SGCG: variants seen among roughly 807,000 people sequenced by gnomAD.
SGCG encodes the protein sarcoglycan gamma.
Under a neutral mutation model 29.3 loss-of-function variants are expected in SGCG, and 26 were observed. That is an observed-to-expected ratio of 0.89 (90% CI 0.65 to 1.23). The LOEUF (loss-of-function observed/expected upper bound fraction) is 1.23. Among genes scored for constraint, SGCG ranks in the 50% most tolerant of loss-of-function variants. The probability of loss-of-function intolerance (pLI) is 0.00; values close to 1 mark genes in which losing one functional copy is unlikely to be tolerated. For synonymous variants in SGCG, 145 were observed against 129.7 expected (o/e 1.12, Z -0.80); for missense variants, 353 against 356.0 (o/e 0.99, Z 0.07).
At chr13:23,312,960 G>A (rs982611329) in intron 6 of SGCG, among the ~76,000 whole-genome samples, 1 of 152,028 alleles carries the variant, frequency 6.6e-6, no homozygotes. Flanking sequence ...GGAAATTTTT[G>A]TATGGTATGT....
At position 23,225,804 on chromosome 13, in the gene SGCG, CA is replaced by C. The variant is rs1350225240; in HGVS notation, c.196-8806del. Among the ~76,000 whole-genome samples the C allele has an allele frequency of 6.6e-5, 10 of 152,062 alleles. 1 individual carries two copies. The South Asian group carries it at 1.0e-3, about 16-fold the overall frequency. On this transcript the variant is annotated intron_variant, in intron 2 of 7. Transcript: ENST00000218867. Reference sequence around the variant, plus strand: ...ATACACACACACACACACACACACACACACCCCTACATACATCAACATTTAT... The same window carrying C: ...ATACACACACACACACACACACACACCACCCCTACATACATCAACATTTAT...
At chr13:23,235,191 C>T (rs987335665) in intron 3 of SGCG, among the ~76,000 whole-genome samples, 1 of 151,978 alleles carries the variant, frequency 6.6e-6, no homozygotes, top group Non-Finnish European at 1.5e-5. Context: ...TAAACCCCGT[C>T]TCTACTAAAA....
chr13:23,240,369 T>C (rs1265918088), intron 3 of SGCG, among the ~76,000 whole-genome samples: 2 of 152,306 alleles, frequency 1.3e-5, no homozygotes, highest in African/African-American at 4.8e-5. Context: ...TATTCACATT[T>C]AGACTCAGGG....
intron 5 of SGCG, among the ~76,000 whole-genome samples, chr13:23,291,877 T>C (rs192518400): frequency 2.0e-5 from 3 of 152,088 alleles, no homozygotes; most frequent in East Asian, 1.9e-4. Flanking sequence ...ATCGAGGGGC[T>C]GGGGAAAAAG....
Position 23,300,950 on chromosome 13 carries a change from C to T in SGCG, c.578+5463C>T, listed in dbSNP as rs1246718666. On this transcript the variant is annotated intron_variant, in intron 6 of 7. Coordinates refer to ENST00000218867, the MANE Select transcript of SGCG (RefSeq NM_000231.3). ...CTAACACGGTGAAACCCCATCTCTACGAAAAATACAAAAGAATTAGCCGGG... is the reference window on the plus strand; with the variant it reads ...CTAACACGGTGAAACCCCATCTCTATGAAAAATACAAAAGAATTAGCCGGG... Among the ~76,000 whole-genome samples, 26 of 151,950 alleles carry T rather than the reference C, an allele frequency of 1.7e-4. 1 individual carries two copies. The highest frequency in any genetic ancestry group is 2.6e-4 in the Admixed American group (4 of 15,252).
chr13:23,291,271 T>C (rs1428174357), intron 5 of SGCG, among the ~76,000 whole-genome samples: 1 of 152,224 alleles, frequency 6.6e-6, no homozygotes, highest in Non-Finnish European at 1.5e-5. Context: ...TATATAATGA[T>C]AGTTTATAGT....
At chr13:23,263,802 C>T (rs1880538148) in intron 4 of SGCG, among the ~76,000 whole-genome samples, 1 of 151,902 alleles carries the variant, frequency 6.6e-6, no homozygotes. Flanking sequence ...GATTCGTCAC[C>T]TAAACAGAAT....
intron 5 of SGCG, among the ~76,000 whole-genome samples, chr13:23,294,876 C>T (rs1331428894): frequency 6.6e-6 from 1 of 152,122 alleles, no homozygotes. Context: ...TTTCTGCACC[C>T]CAGCTGACAC....
At chr13:23,239,837 C>T (rs530868724) in intron 3 of SGCG, among the ~76,000 whole-genome samples, 2 of 151,832 alleles carry the variant, frequency 1.3e-5, no homozygotes, top group East Asian at 3.9e-4. Flanking sequence ...GCTAATACAT[C>T]AACTAAGGAG....
Position 23,314,176 on chromosome 13 carries a change from G to GTATA in SGCG, c.579-6450_579-6447dup, listed in dbSNP as rs1344869674. On this transcript the variant is annotated intron_variant, in intron 6 of 7. Coordinates refer to ENST00000218867, the MANE Select transcript of SGCG (RefSeq NM_000231.3). The stretch of plus-strand genomic sequence containing the variant: ...AGCTATATATATAGAGTTTTGAACA[G>GTATA]TATATATATATATAGAGAGAGAGAG... 8.1e-5 allele frequency among the ~76,000 whole-genome samples: 11 copies of GTATA among 135,778 alleles called. No individual in the cohort carries two copies. In the East Asian group the frequency reaches 1.0e-3, roughly 13 times the overall value. 89.1% of individuals were successfully genotyped at this position (135,778 alleles called of 152,430 possible).
chr13:23,321,161 G>A (rs997850889), intron 7 of SGCG, among the ~76,000 whole-genome samples: 2 of 152,052 alleles, frequency 1.3e-5, no homozygotes, highest in Non-Finnish European at 2.9e-5. Context: ...AGAGTGCTGC[G>A]TTTAAGCTGC....
At chr13:23,223,585 T>C (rs1392226395) in intron 2 of SGCG, among the ~76,000 whole-genome samples, 3 of 152,276 alleles carry the variant, frequency 2.0e-5, no homozygotes, top group East Asian at 3.9e-4. Flanking sequence ...TTTCAGATAA[T>C]AGGAAAAACA....
At chr13:23,195,623 A>T (rs910563253) in intron 1 of SGCG, among the ~76,000 whole-genome samples, 1 of 152,030 alleles carries the variant, frequency 6.6e-6, no homozygotes, top group Non-Finnish European at 1.5e-5. Flanking sequence ...ATTTTATTTT[A>T]AAAGTCAGTC....
At position 23,276,962 on chromosome 13, in the gene SGCG, T is replaced by C. The variant is rs576751632; in HGVS notation, c.386-2397T>C. Reference sequence around the variant, plus strand: ...TCACTCATTTGCACATTGTCAATGCTTAGCACAGAACCTTGTACATAAAAA... The same window carrying C: ...TCACTCATTTGCACATTGTCAATGCCTAGCACAGAACCTTGTACATAAAAA... On this transcript the variant is annotated intron_variant, in intron 4 of 7. Coordinates refer to ENST00000218867, the MANE Select transcript of SGCG (RefSeq NM_000231.3). Among the ~76,000 whole-genome samples, 8 of 152,344 alleles carry C rather than the reference T, an allele frequency of 5.3e-5. No homozygotes were observed. The South Asian group carries it at 1.4e-3, about 28-fold the overall frequency.
intron 3 of SGCG, among the ~76,000 whole-genome samples, chr13:23,237,957 A>C (rs1272178187): frequency 6.6e-6 from 1 of 152,196 alleles, no homozygotes; most frequent in Admixed American, 6.5e-5. Flanking sequence ...ATGAAATTAT[A>C]AAATCAGAAG....
At chr13:23,320,454 A>G (rs1025338994) in intron 6 of SGCG, among the ~76,000 whole-genome samples, 183 bp from the exon 7 acceptor site, 1 of 152,194 alleles carries the variant, frequency 6.6e-6, no homozygotes, top group African/African-American at 2.4e-5. Flanking sequence ...CAAAGTTTAT[A>G]TCTTACTTCA....
chr13:23,186,646 TC>T (rs1362041112), intron 1 of SGCG, among the ~76,000 whole-genome samples: 3 of 152,142 alleles, frequency 2.0e-5, no homozygotes, highest in Admixed American at 6.5e-5. Flanking sequence ...TTCTGAAGTA[TC>T]CCCCATCCTC....
chr13:23,286,449 C>G (rs1157867536), intron 5 of SGCG, among the ~76,000 whole-genome samples: 1 of 152,216 alleles, frequency 6.6e-6, no homozygotes, highest in East Asian at 1.9e-4. Flanking sequence ...GTAACCTTAA[C>G]TTCACAAGAT....
At chr13:23,200,867 A>T (rs1877718250) in intron 1 of SGCG, among the ~76,000 whole-genome samples, 1 of 151,848 alleles carries the variant, frequency 6.6e-6, no homozygotes, top group South Asian at 2.1e-4. Flanking sequence ...CACTTGGGGG[A>T]CTCCTGGCCG....
Sources: allele counts gnomAD v4.1 joint callset (sites outside exome capture counted in the v4.1 genomes callset), GRCh38; gene constraint gnomAD v4.1.1; transcripts MANE v1.5; gene names NCBI Gene and HGNC (gene_info 2026-07-23, HGNC 2026-07-21).